The following PHLPP1 variants were observed in gnomAD, a reference collection of about 807,000 sequenced individuals.
PHLPP1 encodes the protein PH domain and leucine rich repeat protein phosphatase 1.
In PHLPP1, 42 loss-of-function variants were observed where a neutral mutation model predicts 117.2. The observed-to-expected ratio is 0.36, with a 90% CI of 0.28 to 0.46. The LOEUF is 0.46. PHLPP1 is among the 20% of genes least tolerant of loss of function. The probability of loss-of-function intolerance (pLI) is 1.00; values close to 1 mark genes in which losing one functional copy is unlikely to be tolerated. For synonymous variants in PHLPP1, 1,042 were observed against 970.7 expected (o/e 1.07, Z -1.37); for missense variants, 2,084 against 2,241.9 (o/e 0.93, Z 1.42).
chr18:62,743,716 A>G (rs1220736410), intron 1 of PHLPP1, among the ~76,000 whole-genome samples: 1 of 151,776 alleles, frequency 6.6e-6, no homozygotes, highest in Non-Finnish European at 1.5e-5. Flanking sequence ...TGTCTTTTAA[A>G]TTTCTTTTAA....
chr18:62,779,512 T>C (rs1465441520), intron 1 of PHLPP1: 1 of 152,236 alleles, frequency 6.6e-6, no homozygotes, highest in Non-Finnish European at 1.5e-5. Flanking sequence ...GAATGTCATC[T>C]GTATCATCAT....
In PHLPP1 at chr18:62,747,489, C is replaced by T. The variant is rs578232038; in HGVS notation, c.1576+30230C>T. On this transcript the variant is annotated intron_variant, in intron 1 of 16. Coordinates refer to ENST00000262719, the MANE Select transcript of PHLPP1 (RefSeq NM_194449.4). ...TTCCTCCTCTTACCTTTCCTACCTT[C>T]CCTCCTCTCCCACCTTCCCTCCTCT... 7.3e-5 allele frequency among the ~76,000 whole-genome samples: 11 copies of T among 151,260 alleles called. No individual in the cohort carries two copies. In the South Asian group the frequency reaches 2.3e-3, roughly 32 times the overall value.
intron 7 of PHLPP1, 50 bp downstream of exon 7, chr18:62,903,216 A>G: frequency 1.7e-6 from 2 of 1,188,416 alleles, no homozygotes; most frequent in African/African-American, 1.5e-5. Flanking sequence ...CCAGGAATTT[A>G]CCCAGCATCA....
chr18:62,974,342 C>T (rs74878768), intron 15 of PHLPP1, among the ~76,000 whole-genome samples: 5,127 of 152,200 alleles, frequency 0.034, 119 homozygotes, highest in Non-Finnish European at 0.051. Context: ...AGCTTTTGGT[C>T]CTTAGGGGAA....
intron 10 of PHLPP1, among the ~76,000 whole-genome samples, chr18:62,933,732 A>G (rs1378326261): frequency 6.6e-6 from 1 of 152,250 alleles, no homozygotes; most frequent in East Asian, 1.9e-4. Flanking sequence ...AAATGCAACA[A>G]AAACAAATAT....
At chr18:62,847,956 A>G (rs1915222836) in intron 3 of PHLPP1, among the ~76,000 whole-genome samples, 1 of 152,196 alleles carries the variant, frequency 6.6e-6, no homozygotes, top group South Asian at 2.1e-4. Flanking sequence ...ACCTCTCAAT[A>G]TTGTTGAGTT....
At chr18:62,916,605 G>GGGGTGTGTGTGTGTGTGTGTGTGTGT (rs1555681660) in intron 9 of PHLPP1, among the ~76,000 whole-genome samples, 13 of 145,846 alleles carry the variant, frequency 8.9e-5, no homozygotes, top group African/African-American at 3.0e-4. Context: ...CAAGAGGGTG[G>GGGGTGTGTGTGTGTGTGTGTGTGTGT]GTGTGTGTGT....
intron 1 of PHLPP1, among the ~76,000 whole-genome samples, chr18:62,760,193 T>C (rs1018410190): frequency 1.3e-5 from 2 of 152,194 alleles, no homozygotes; most frequent in Middle Eastern, 3.2e-3. Flanking sequence ...TTATTTCCAG[T>C]GTCTCTTGAA....
chr18:62,716,966 G>A lies in PHLPP1; in HGVS notation c.1283G>A (p.Gly428Glu), dbSNP rs945107674. 5.5e-5 allele frequency: 85 copies of A among 1,539,620 alleles called. No individual in the cohort carries two copies. The highest frequency in any genetic ancestry group is 7.2e-5 in the Non-Finnish European group (83 of 1,146,082). The part of the protein sequence containing the change: ...KAPRAIDSPG[G>E]AVREGSCEEK... The stretch of plus-strand genomic sequence containing the variant: ...CCGAGGGCCATTGACAGCCCGGGCG[G>A]GGCCGTCCGCGAGGGGTCGTGCGAG... The change falls in exon 1 of 17, where the codon GGG (glycine) becomes GAG (glutamate). Residue 428 changes from glycine to glutamate, a missense_variant. Gly to Glu is a moderately conservative substitution (Grantham distance 98). This residue lies in a region of PHLPP1 where 719 missense variants were observed against 636.0 expected (regional missense o/e 1.13). Transcript: ENST00000262719. The surrounding 1 kb of genome is among the most constrained non-coding windows in gnomAD (Gnocchi z 5.7).
At position 62,963,352 on chromosome 18, in the gene PHLPP1, C is replaced by A; in HGVS notation, c.3456-16C>A. The A allele has an allele frequency of 1.3e-6, 2 of 1,571,054 alleles. No individual in the cohort carries two copies. Among genetic ancestry groups the A allele is most frequent in the East Asian group, 2.2e-5 (1 of 44,578 alleles). ...GGTTTTAATGATTCCTGTTCCCTCC[C>A]TGTTTCTCTTGTTAGTAATATCCGC... On this transcript the variant is annotated splice_polypyrimidine_tract_variant and intron_variant, in intron 13 of 16. Transcript: ENST00000262719.
chr18:62,757,917 G>A (rs146175568), intron 1 of PHLPP1, among the ~76,000 whole-genome samples: 4 of 152,262 alleles, frequency 2.6e-5, no homozygotes, highest in Admixed American at 2.0e-4. Context: ...CGTGAGCAAG[G>A]CCTTTTTCAC....
intron 4 of PHLPP1, among the ~76,000 whole-genome samples, chr18:62,870,853 C>G (rs1375077381): frequency 6.6e-6 from 1 of 152,170 alleles, no homozygotes; most frequent in Non-Finnish European, 1.5e-5. Context: ...AAACATTGTT[C>G]TTGGAACTAG....
intron 3 of PHLPP1, among the ~76,000 whole-genome samples, chr18:62,848,566 T>G (rs1407177213): frequency 6.7e-6 from 1 of 148,806 alleles, no homozygotes; most frequent in Admixed American, 7.0e-5. Flanking sequence ...CAGGCTCAAG[T>G]GATCCTCCCA....
At chr18:62,869,617 T>C (rs1217921817) in intron 4 of PHLPP1, among the ~76,000 whole-genome samples, 1 of 152,266 alleles carries the variant, frequency 6.6e-6, no homozygotes, top group African/African-American at 2.4e-5. Context: ...CTTCTTTCAC[T>C]GACTTTTCTT....
Position 62,978,271 on chromosome 18 carries a change from G to C in PHLPP1, c.3994G>C (p.Val1332Leu). The change falls in exon 17 of 17, where the codon GTG becomes CTG. Residue 1332 changes from valine (V) to leucine (L), a missense_variant. Physicochemically the swap from Val to Leu is conservative, Grantham distance 32 (BLOSUM62 1). Coordinates refer to ENST00000262719, the MANE Select transcript of PHLPP1 (RefSeq NM_194449.4). The surrounding 1 kb of genome is among the most constrained non-coding windows in gnomAD (Gnocchi z 7.0). ...ACCCTTGTTCTTCCAGGATGGCAAG[G>C]TGAACGGAGTGACTGAGTCCACGCG... ...HKAIITEDGK[V>L]NGVTESTRIL... 6.3e-7 allele frequency: 1 copy of C among 1,595,992 alleles called. No individual in the cohort carries two copies. Among genetic ancestry groups the C allele is most frequent in the Non-Finnish European group, 8.6e-7 (1 of 1,166,664 alleles).
At chr18:62,806,761 T>A (rs1231106463) in intron 1 of PHLPP1, among the ~76,000 whole-genome samples, 1 of 152,192 alleles carries the variant, frequency 6.6e-6, no homozygotes. Flanking sequence ...TTTATCTACA[T>A]GGAACTTTGT....
intron 1 of PHLPP1, among the ~76,000 whole-genome samples, chr18:62,775,255 G>A (rs1044225169): frequency 1.1e-4 from 16 of 151,970 alleles, no homozygotes; most frequent in African/African-American, 3.6e-4. Flanking sequence ...CTACCACCAC[G>A]CCCGGCTAAT....
chr18:62,854,982 C>G (rs1350833856), intron 3 of PHLPP1, among the ~76,000 whole-genome samples: 3 of 152,158 alleles, frequency 2.0e-5, no homozygotes, highest in Non-Finnish European at 4.4e-5. Flanking sequence ...CAGGCATGAG[C>G]CCCTACACCC....
At chr18:62,847,130 T>G (rs971087626) in intron 3 of PHLPP1, among the ~76,000 whole-genome samples, 1 of 152,252 alleles carries the variant, frequency 6.6e-6, no homozygotes, top group African/African-American at 2.4e-5. Flanking sequence ...TGTGAAGCAG[T>G]GCTCATTTGT....
Sources: allele counts gnomAD v4.1 joint callset (sites outside exome capture counted in the v4.1 genomes callset), GRCh38; gene constraint gnomAD v4.1.1; regional missense constraint gnomAD v4.1.1; non-coding constraint Gnocchi (gnomAD v3.1); transcripts MANE v1.5; gene names NCBI Gene and HGNC (gene_info 2026-07-23, HGNC 2026-07-21).